Variants in RPSA2 observed in about 807,000 individuals in gnomAD.
RPSA2 encodes ribosomal protein SA 2.
chr19:23,862,438 G>A, the RPSA2 span, among the ~76,000 whole-genome samples: 6 of 151,320 alleles, frequency 4.0e-5, no homozygotes, highest in Admixed American at 2.0e-4. Context: ...GTGAGAGAGG[G>A]CATCCCTGTC....
At chr19:23,855,969 A>T in the RPSA2 span, among the ~76,000 whole-genome samples, 2 of 152,178 alleles carry the variant, frequency 1.3e-5, no homozygotes, top group African/African-American at 2.4e-5. Flanking sequence ...TGAGAGCCAC[A>T]AGTATTGGTT....
chr19:23,774,212 A>C, the RPSA2 span, among the ~76,000 whole-genome samples: 1 of 152,214 alleles, frequency 6.6e-6, no homozygotes, highest in African/African-American at 2.4e-5. Flanking sequence ...CACCCAGGTT[A>C]TGTGACTCTC....
the RPSA2 span, among the ~76,000 whole-genome samples, chr19:23,778,148 G>A: frequency 3.9e-5 from 6 of 152,160 alleles, no homozygotes; most frequent in East Asian, 1.2e-3. Context: ...CCTAAACCCT[G>A]CCTACTGGGG....
At chr19:23,833,026 AAG>A in the RPSA2 span, 8 of 1,389,256 alleles carry the variant, frequency 5.8e-6, no homozygotes, top group Non-Finnish European at 7.6e-6. Context: ...TGCTAACCAT[AAG>A]AGAATTCATA....
chr19:23,814,833 T>C, the RPSA2 span, among the ~76,000 whole-genome samples: 5 of 152,040 alleles, frequency 3.3e-5, no homozygotes, highest in Non-Finnish European at 7.4e-5. Flanking sequence ...AATATATTTG[T>C]TGTTGTTGTT....
At chr19:23,766,525 G>A in the RPSA2 span, among the ~76,000 whole-genome samples, 4 of 148,902 alleles carry the variant, frequency 2.7e-5, no homozygotes, top group Admixed American at 2.0e-4. Flanking sequence ...GATCTCCCCG[G>A]CTCACTGCAA....
the RPSA2 span, among the ~76,000 whole-genome samples, chr19:23,763,958 T>C: frequency 6.6e-6 from 1 of 152,206 alleles, no homozygotes; most frequent in African/African-American, 2.4e-5. Context: ...TGTAGTCACC[T>C]TATTTGTATG....
chr19:23,849,593 G>A, the RPSA2 span, among the ~76,000 whole-genome samples: 1 of 152,138 alleles, frequency 6.6e-6, no homozygotes, highest in African/African-American at 2.4e-5. Context: ...GGCCTCAGGT[G>A]GGTAATGCCC....
the RPSA2 span, among the ~76,000 whole-genome samples, chr19:23,840,672 C>T: frequency 1.3e-5 from 2 of 152,060 alleles, no homozygotes; most frequent in Non-Finnish European, 1.5e-5. Flanking sequence ...AATTACAAAA[C>T]ATGCGCTGGG....
At chr19:23,767,761 GTTTTTTTT>G in the RPSA2 span, among the ~76,000 whole-genome samples, 1 of 73,102 alleles carries the variant, frequency 1.4e-5, no homozygotes, top group Non-Finnish European at 2.5e-5. Context: ...TTCAATTTCA[GTTTTTTTT>G]TTTTTTTTTT....
the RPSA2 span, among the ~76,000 whole-genome samples, chr19:23,770,416 T>C: frequency 1.3e-5 from 2 of 152,314 alleles, no homozygotes; most frequent in Non-Finnish European, 1.5e-5. Flanking sequence ...GGAAGTATTA[T>C]GACATGTCTC....
chr19:23,790,148 G>A, the RPSA2 span, among the ~76,000 whole-genome samples: 53 of 152,050 alleles, frequency 3.5e-4, no homozygotes, highest in East Asian at 9.1e-3. Context: ...ACAGGCGCCC[G>A]CCACTGTGCC....
At chr19:23,827,999 C>T in the RPSA2 span, 4 of 805,690 alleles carry the variant, frequency 5.0e-6, no homozygotes, top group South Asian at 6.1e-5. Flanking sequence ...GTCTGCAGCT[C>T]CCACTGCTCA....
the RPSA2 span, among the ~76,000 whole-genome samples, chr19:23,769,050 G>T: frequency 2.6e-4 from 40 of 152,310 alleles, no homozygotes; most frequent in South Asian, 4.1e-4. Context: ...TAGCATACAG[G>T]TGATTTGATT....
chr19:23,846,756 A>G, the RPSA2 span, among the ~76,000 whole-genome samples: 34 of 152,262 alleles, frequency 2.2e-4, no homozygotes, highest in African/African-American at 7.5e-4. Flanking sequence ...CTATTTATAA[A>G]TGACTAGATG....
the RPSA2 span, among the ~76,000 whole-genome samples, chr19:23,780,564 A>T: frequency 6.6e-6 from 1 of 152,074 alleles, no homozygotes. Flanking sequence ...AATGGCATGA[A>T]CCTGGGGGAT....
At chr19:23,789,843 A>AT in the RPSA2 span, among the ~76,000 whole-genome samples, 1 of 151,066 alleles carries the variant, frequency 6.6e-6, no homozygotes, top group African/African-American at 2.4e-5. Context: ...AAGCCAAACT[A>AT]TTTTTTGTAT....
At chr19:23,865,588 T>C in the RPSA2 span, among the ~76,000 whole-genome samples, 1 of 152,110 alleles carries the variant, frequency 6.6e-6, no homozygotes, top group Non-Finnish European at 1.5e-5. Flanking sequence ...CAGTGCATAT[T>C]GAAAATAATG....
At chr19:23,857,681 GA>G in the RPSA2 span, among the ~76,000 whole-genome samples, 1 of 151,146 alleles carries the variant, frequency 6.6e-6, no homozygotes, top group Non-Finnish European at 1.5e-5. Context: ...TTTTTTAGTA[GA>G]GACAGGGTTT....
Sources: allele counts gnomAD v4.1 joint callset (sites outside exome capture counted in the v4.1 genomes callset), GRCh38; gene constraint gnomAD v4.1.1; transcripts MANE v1.5; gene names NCBI Gene and HGNC (gene_info 2026-07-23, HGNC 2026-07-21).